The following SLC17A4 variants were observed in gnomAD, a reference collection of about 807,000 sequenced individuals.
SLC17A4 encodes the protein probable small intestine urate exporter.
In SLC17A4, 33 loss-of-function variants were observed where a neutral mutation model predicts 52.5. The observed-to-expected ratio is 0.63, with a 90% CI of 0.48 to 0.84. The LOEUF is 0.84. SLC17A4 is among the 40% of genes least tolerant of loss of function. The probability of loss-of-function intolerance (pLI) is 0.00; values close to 1 mark genes in which losing one functional copy is unlikely to be tolerated. For missense variants in SLC17A4, 585 were observed against 597.1 expected (o/e 0.98, Z 0.21); for synonymous variants, 225 against 216.2 (o/e 1.04, Z -0.36).
At chr6:25,770,590 A>G in intron 5 of SLC17A4, 119 bp downstream of exon 5, 1 of 906,726 alleles carries the variant, frequency 1.1e-6, no homozygotes, top group Non-Finnish European at 1.8e-6. Context: ...CTTTCCTTAA[A>G]GCACTACCCC....
chr6:25,774,205 T>C (rs1762714610), intron 8 of SLC17A4, among the ~76,000 whole-genome samples: 1 of 152,164 alleles, frequency 6.6e-6, no homozygotes, highest in South Asian at 2.1e-4. Context: ...AAGTATAACA[T>C]AGAGAAAGAA....
At chr6:25,761,857 C>T in intron 1 of SLC17A4, 70 bp from the exon 2 acceptor site, 1 of 872,826 alleles carries the variant, frequency 1.1e-6, no homozygotes, top group South Asian at 1.9e-5. Flanking sequence ...GCTCCTAGTT[C>T]TTAGAAAGAA....
chr6:25,755,432 C>T (rs1031396800), intron 1 of SLC17A4, among the ~76,000 whole-genome samples: 1 of 152,120 alleles, frequency 6.6e-6, no homozygotes, highest in African/African-American at 2.4e-5. Context: ...AGTGCTGAGA[C>T]CACCTAAGAT....
At chr6:25,773,242 C>T in intron 6 of SLC17A4, 33 bp from the exon 7 acceptor site, 16 of 1,494,970 alleles carry the variant, frequency 1.1e-5, no homozygotes, top group Non-Finnish European at 1.5e-5. Flanking sequence ...GTACTTCAAT[C>T]CATCCAGTGC....
intron 1 of SLC17A4, among the ~76,000 whole-genome samples, chr6:25,758,536 G>A (rs1582644677): frequency 1.3e-5 from 2 of 152,160 alleles, no homozygotes; most frequent in Middle Eastern, 3.4e-3. Flanking sequence ...TATATTTCCA[G>A]GAATTTATCC....
intron 6 of SLC17A4, 127 bp downstream of exon 6, chr6:25,771,139 A>C: frequency 1.4e-6 from 1 of 738,750 alleles, no homozygotes; most frequent in Non-Finnish European, 2.3e-6. Context: ...TTCAGAGCCA[A>C]CTACATTTAA....
intron 1 of SLC17A4, among the ~76,000 whole-genome samples, chr6:25,758,686 C>T (rs1206876331): frequency 6.6e-6 from 1 of 151,942 alleles, no homozygotes; most frequent in Non-Finnish European, 1.5e-5. Context: ...TCTCTTTTTT[C>T]CTTGGTTAGT....
chr6:25,756,605 G>C (rs564142237), intron 1 of SLC17A4, among the ~76,000 whole-genome samples: 71 of 152,260 alleles, frequency 4.7e-4, no homozygotes, highest in African/African-American at 1.7e-3. Context: ...ACCCTCGGCT[G>C]TCTGTTCCCA....
intron 5 of SLC17A4, 96 bp from the exon 6 acceptor site, chr6:25,770,830 A>C (rs2151442980): frequency 2.1e-6 from 2 of 948,698 alleles, no homozygotes; most frequent in East Asian, 2.4e-5. Context: ...CTTGAAACTC[A>C]TACCTTCACT....
Position 25,776,616 on chromosome 6 carries a change from C to T in SLC17A4, c.1009C>T (p.Pro337Ser), listed in dbSNP as rs758096513. The change falls in exon 9 of 12, where the codon CCG becomes TCG. Residue 337 changes from proline (P) to serine (S), a missense_variant. Pro to Ser is a moderately conservative substitution (Grantham distance 74). Transcript: ENST00000377905. ...LRDSGILSALPFVVGCICIIL... is the reference protein window; with the variant it reads ...LRDSGILSALSFVVGCICIIL... ...TCAGAGTGGGATCCTGTCTGCCTTG[C>T]CGTTTGTTGTTGGATGTATCTGCAT... 4 of 1,610,028 alleles carry T rather than the reference C, an allele frequency of 2.5e-6. No individual in the cohort carries two copies. The highest frequency in any genetic ancestry group is 3.4e-6 in the Non-Finnish European group (4 of 1,177,838).
intron 6 of SLC17A4, among the ~76,000 whole-genome samples, chr6:25,771,299 C>G (rs190557889): frequency 6.6e-6 from 1 of 152,062 alleles, no homozygotes; most frequent in African/African-American, 2.4e-5. Flanking sequence ...TTAGGCTAGG[C>G]GTGGTAGCTC....
Position 25,770,444 on chromosome 6 carries a change from A to G in SLC17A4, c.592A>G (p.Ser198Gly), listed in dbSNP as rs1445593120. ...WVKWAPPLERSQLTTIAGSGS... is the reference protein window; with the variant it reads ...WVKWAPPLERGQLTTIAGSGS... ...CAAATGGGCTCCCCCACTGGAAAGG[A>G]GTCAACTCACCACCATTGCTGGATC... Residue 198 changes from serine to glycine, a missense_variant, in exon 5 of 12, where the codon AGT (serine) becomes GGT (glycine). Coordinates refer to ENST00000377905, the MANE Select transcript of SLC17A4 (RefSeq NM_005495.3). The G allele has an allele frequency of 1.2e-6, 2 of 1,613,996 alleles. No homozygotes were observed. Among genetic ancestry groups the G allele is most frequent in the African/African-American group, 2.7e-5 (2 of 74,906 alleles).
At chr6:25,758,223 A>C (rs531082996) in intron 1 of SLC17A4, among the ~76,000 whole-genome samples, 16 of 152,186 alleles carry the variant, frequency 1.1e-4, no homozygotes, top group Non-Finnish European at 2.1e-4. Flanking sequence ...CCTTGCAGGC[A>C]GCTCCTATAA....
Position 25,769,006 on chromosome 6 carries a change from G to C in SLC17A4, c.113G>C (p.Gly38Ala). ...SRKGFCSVRH[G>A]LALILQLCNF... ...TCAGGTTTTTGTTCAGTCCGACATG[G>C]GCTGGCCCTCATCTTGCAGCTCTGT... Residue 38 changes from glycine (G) to alanine (A), a missense_variant, in exon 3 of 12, where the codon GGG (glycine) becomes GCG (alanine). Coordinates refer to ENST00000377905, the MANE Select transcript of SLC17A4 (RefSeq NM_005495.3). 6.2e-7 allele frequency: 1 copy of C among 1,613,940 alleles called. No homozygotes were observed. Among genetic ancestry groups the C allele is most frequent in the Non-Finnish European group, 8.5e-7 (1 of 1,179,958 alleles).
intron 2 of SLC17A4, among the ~76,000 whole-genome samples, chr6:25,763,265 C>A (rs766115270): frequency 3.3e-5 from 5 of 152,140 alleles, no homozygotes; most frequent in Non-Finnish European, 7.4e-5. Context: ...ACCCACTTTA[C>A]CCTGGCCTGT....
chr6:25,766,109 T>C (rs1372446373), intron 2 of SLC17A4, among the ~76,000 whole-genome samples: 1 of 150,646 alleles, frequency 6.6e-6, no homozygotes, highest in African/African-American at 2.4e-5. Flanking sequence ...AATTAACTTA[T>C]TAAAATTTAA....
intron 3 of SLC17A4, 56 bp from the exon 4 acceptor site, chr6:25,770,011 A>C (rs2328893): frequency 3.2e-6 from 5 of 1,548,708 alleles, no homozygotes; most frequent in Non-Finnish European, 4.4e-6. Context: ...AGTCCTCACA[A>C]TGAAAACTGT....
intron 2 of SLC17A4, 99 bp downstream of exon 2, chr6:25,762,152 T>C (rs977038817): frequency 4.2e-6 from 4 of 962,432 alleles, no homozygotes; most frequent in African/African-American, 1.6e-5. Flanking sequence ...GCATCTTTTG[T>C]TGATACACAT....
At chr6:25,768,477 C>T in intron 2 of SLC17A4, 1 of 684,508 alleles carries the variant, frequency 1.5e-6, no homozygotes, top group Non-Finnish European at 1.8e-6. Context: ...TTAAATACTT[C>T]TATGATCTAA....
Sources: allele counts gnomAD v4.1 joint callset (sites outside exome capture counted in the v4.1 genomes callset), GRCh38; gene constraint gnomAD v4.1.1; transcripts MANE v1.5; gene names NCBI Gene and HGNC (gene_info 2026-07-23, HGNC 2026-07-21).